Variants in SMCHD1 observed in about 807,000 individuals in gnomAD.
SMCHD1 encodes structural maintenance of chromosomes flexible hinge domain-containing protein 1.
Under a neutral mutation model 254.7 loss-of-function variants are expected in SMCHD1, and 78 were observed. That is an observed-to-expected ratio of 0.31 (90% CI 0.26 to 0.37). The LOEUF (loss-of-function observed/expected upper bound fraction) is 0.37. Ranked by LOEUF, SMCHD1 falls within the 10% of genes least tolerant of loss-of-function variation. The pLI, the probability that SMCHD1 is intolerant of heterozygous loss-of-function variation, is 1.00. For synonymous variants in SMCHD1, 766 were observed against 794.9 expected (o/e 0.96, Z 0.61); for missense variants, 1,840 against 2,408.1 (o/e 0.76, Z 4.94).
chr18:2,683,243 TAATAAACA>T (rs1943025984), intron 5 of SMCHD1, among the ~76,000 whole-genome samples: 1 of 152,196 alleles, frequency 6.6e-6, no homozygotes, highest in African/African-American at 2.4e-5. Flanking sequence ...TTTTTTTTCT[TAATAAACA>T]TTAGCTCATA....
intron 40 of SMCHD1, 122 bp from the exon 41 acceptor site, chr18:2,772,128 G>T: frequency 5.7e-6 from 4 of 699,450 alleles, no homozygotes; most frequent in Admixed American, 4.5e-5. Context: ...TTTTAATAAT[G>T]CCTACTTACC....
rs563331082 is a variant in SMCHD1 at position 2,740,094 on chromosome 18, C to G, written c.3514+574C>G. On this transcript the variant is annotated intron_variant, in intron 27 of 47. Coordinates refer to ENST00000320876, the MANE Select transcript of SMCHD1 (RefSeq NM_015295.3). ...TGCTGTCCCTCCCCTAGCCCCGACT[C>G]CCCGACAGGCCCTGGTGTGTAATGT... 2.0e-5 allele frequency among the ~76,000 whole-genome samples: 3 copies of G among 152,212 alleles called. No homozygotes were observed. In the East Asian group the frequency reaches 5.8e-4, roughly 29 times the overall value.
intron 3 of SMCHD1, among the ~76,000 whole-genome samples, chr18:2,671,528 T>TTTCCCTACTTCTGG (rs1236198747): frequency 6.6e-6 from 1 of 152,012 alleles, no homozygotes; most frequent in African/African-American, 2.4e-5. Flanking sequence ...CCTACTTCTG[T>TTTCCCTACTTCTGG]TTCCCTACTT....
intron 17 of SMCHD1, among the ~76,000 whole-genome samples, chr18:2,708,906 AT>A (rs1320200790): frequency 0.088 from 4,540 of 51,850 alleles, 882 homozygotes; most frequent in Middle Eastern, 0.14. Flanking sequence ...ATATATATAT[AT>A]AACATATTAA....
intron 25 of SMCHD1, among the ~76,000 whole-genome samples, 172 bp from the exon 26 acceptor site, chr18:2,738,225 G>T (rs1213096706): frequency 1.3e-5 from 2 of 152,008 alleles, no homozygotes; most frequent in African/African-American, 4.8e-5. Flanking sequence ...AGACAAAGAG[G>T]ATGCCTTTGT....
chr18:2,719,785 T>TA (rs977249953), intron 19 of SMCHD1, among the ~76,000 whole-genome samples: 2 of 151,502 alleles, frequency 1.3e-5, no homozygotes, highest in African/African-American at 4.9e-5. Flanking sequence ...AAGCGATTCT[T>TA]CTGCCTCAGC....
At position 2,793,656 on chromosome 18, in the gene SMCHD1, C is replaced by CAAAAAAAAAAAAAAAAAA. The variant is rs1277905569; in HGVS notation, c.5720-2278_5720-2277insAAAAAAAAAAAAAAAAAA. Among the ~76,000 whole-genome samples the CAAAAAAAAAAAAAAAAAA allele has an allele frequency of 8.0e-3, 351 of 43,772 alleles. 11 individuals carry two copies. The highest frequency in any genetic ancestry group is 0.026 in the East Asian group (34 of 1,292). 28.7% of individuals were successfully genotyped at this position (43,772 alleles called of 152,430 possible). ...CTCCAGCCTGGGCGAGACTCCGTCT[C>CAAAAAAAAAAAAAAAAAA]AAAAAAAAAAAAAAAGAAAGAAAAC... is the stretch of plus-strand genomic sequence containing the variant. On this transcript the variant is annotated intron_variant, in intron 45 of 47. Coordinates refer to ENST00000320876, the MANE Select transcript of SMCHD1 (RefSeq NM_015295.3).
At chr18:2,798,711 T>G (rs1361133255) in intron 47 of SMCHD1, among the ~76,000 whole-genome samples, 2 of 152,244 alleles carry the variant, frequency 1.3e-5, no homozygotes, top group African/African-American at 4.8e-5. Flanking sequence ...ATGTTTTCAT[T>G]ACTAAAGCTT....
chr18:2,703,397 C>G (rs149757944), intron 12 of SMCHD1, among the ~76,000 whole-genome samples: 49 of 152,062 alleles, frequency 3.2e-4, no homozygotes, highest in African/African-American at 1.2e-3. Flanking sequence ...AGTAAGGGTT[C>G]ATCAGTTTTT....
At chr18:2,708,749 G>A (rs1481413800) in intron 17 of SMCHD1, among the ~76,000 whole-genome samples, 4 of 149,762 alleles carry the variant, frequency 2.7e-5, no homozygotes, top group South Asian at 2.1e-4. Context: ...CTGAGTAGCC[G>A]GGATTACAGG....
chr18:2,757,080 T>G (rs562817100), intron 34 of SMCHD1, among the ~76,000 whole-genome samples: 26 of 152,328 alleles, frequency 1.7e-4, no homozygotes, highest in Admixed American at 4.6e-4. Context: ...AGCTCATTTA[T>G]TTTGGTCACA....
chr18:2,732,344 G>C lies in SMCHD1; in HGVS notation c.3128G>C (p.Ser1043Thr). Residue 1043 changes from serine to threonine, a missense_variant, in exon 25 of 48, where the codon AGT becomes ACT. Coordinates refer to ENST00000320876, the MANE Select transcript of SMCHD1 (RefSeq NM_015295.3). ...SSHVARLQIF[S>T]VEGQKAIQIK... Reference sequence around the variant, plus strand: ...CATGTTGCAAGACTACAAATATTCAGTGTAGAAGGACAAAAGGCAATTCAG... The same window carrying C: ...CATGTTGCAAGACTACAAATATTCACTGTAGAAGGACAAAAGGCAATTCAG... The C allele has an allele frequency of 6.2e-7, 1 of 1,613,860 alleles. No homozygotes were observed. The highest frequency in any genetic ancestry group is 8.5e-7 in the Non-Finnish European group (1 of 1,179,820).
chr18:2,703,604 A>C (rs2074450946), intron 12 of SMCHD1, 88 bp from the exon 13 acceptor site: 26 of 1,112,396 alleles, frequency 2.3e-5, no homozygotes, highest in Non-Finnish European at 3.4e-5. Flanking sequence ...AGTATATGAA[A>C]GGAAAAAAAT....
intron 1 of SMCHD1, among the ~76,000 whole-genome samples, chr18:2,660,573 C>T (rs931965499): frequency 1.3e-5 from 2 of 150,068 alleles, no homozygotes; most frequent in Non-Finnish European, 3.0e-5. Context: ...TCCCAAGTTC[C>T]AGCGATTCTC....
In SMCHD1 at chr18:2,726,437, G is replaced by C. The variant is rs888563378; in HGVS notation, c.2701-15G>C. On this transcript the variant is annotated splice_polypyrimidine_tract_variant and intron_variant, in intron 21 of 47. Transcript: ENST00000320876. ...TTCAGGACTGGGTTTAATTTTTACT[G>C]TTTTTTTCCAACAGAATTATAATCT... 2 of 1,442,240 alleles carry C rather than the reference G, an allele frequency of 1.4e-6. No homozygotes were observed. Among genetic ancestry groups the C allele is most frequent in the East Asian group, 5.2e-5 (2 of 38,596 alleles). The allele number at this position is 1,442,240 out of a possible 1,614,324, so 89.3% of individuals were successfully genotyped here.
At chr18:2,670,806 C>G (rs1210031482) in intron 3 of SMCHD1, among the ~76,000 whole-genome samples, 1 of 149,470 alleles carries the variant, frequency 6.7e-6, no homozygotes, top group Non-Finnish European at 1.5e-5. Flanking sequence ...GAGGCTGAGG[C>G]AGGAGAATCG....
intron 23 of SMCHD1, 32 bp from the exon 24 acceptor site, chr18:2,729,243 G>A: frequency 7.2e-7 from 1 of 1,395,494 alleles, no homozygotes; most frequent in Non-Finnish European, 9.4e-7. Context: ...TATTTAATAG[G>A]GGTCTTACAT....
chr18:2,694,457 G>A, intron 7 of SMCHD1, 70 bp from the exon 8 acceptor site: 4 of 1,254,540 alleles, frequency 3.2e-6, no homozygotes, highest in Non-Finnish European at 4.4e-6. Flanking sequence ...ATTAAAATTT[G>A]ATGCAATAGC....
intron 28 of SMCHD1, 104 bp downstream of exon 28, chr18:2,740,925 T>A: frequency 1.6e-6 from 1 of 643,124 alleles, no homozygotes; most frequent in South Asian, 2.5e-5. Context: ...GATTTTAGTT[T>A]TTAAATTGAA....
Sources: allele counts gnomAD v4.1 joint callset (sites outside exome capture counted in the v4.1 genomes callset), GRCh38; gene constraint gnomAD v4.1.1; transcripts MANE v1.5; gene names NCBI Gene and HGNC (gene_info 2026-07-23, HGNC 2026-07-21).